VBP1: variants seen among roughly 807,000 people sequenced by gnomAD.
VBP1 encodes the protein prefoldin subunit 3.
VBP1 carries 4 observed loss-of-function variants against 15.5 expected under a neutral mutation model. The ratio of observed to expected loss-of-function variants is 0.26; its 90% CI spans 0.13 to 0.59. VBP1 has a LOEUF of 0.59. VBP1 is among the 20% of genes least tolerant of loss of function. The pLI, the probability that VBP1 is intolerant of heterozygous loss-of-function variation, is 0.90. For synonymous variants in VBP1, 61 were observed against 52.1 expected, an observed-to-expected ratio of 1.17 and a Z score of -0.74; for missense variants, 108 against 139.6, an observed-to-expected ratio of 0.77 and a Z score of 1.14.
chrX:155,210,734 T>C (rs1476173200), intron 2 of VBP1, among the ~76,000 whole-genome samples: 2 of 112,064 alleles, frequency 1.8e-5, no homozygotes, highest in Non-Finnish European at 3.8e-5. Context: ...CTGAAATTGA[T>C]TTCCTGAGCA....
chrX:155,236,385 A>T lies in VBP1; in HGVS notation c.523+18A>T. ...AGAAGTCAGTATCCTTTCTTAAAAC[A>T]AAAAGCAAGGGAAAAAAGGAGAAAG... On this transcript the variant is annotated intron_variant, in intron 5 of 5. Transcript: ENST00000286428. 8.4e-7 allele frequency: 1 copy of T among 1,190,915 alleles called. No homozygotes were observed. Among genetic ancestry groups the T allele is most frequent in the Non-Finnish European group, 1.1e-6 (1 of 886,868 alleles).
intron 1 of VBP1, among the ~76,000 whole-genome samples, chrX:155,218,286 G>T (rs140348702): frequency 0.027 from 2,976 of 111,558 alleles, 100 homozygotes; most frequent in Admixed American, 0.13. Flanking sequence ...ATAGACCAGG[G>T]TCTGAATCCT....
rs377248591 is a variant in VBP1, at chrX:155,219,977, T to TA, written c.94-190dup. Among the ~76,000 whole-genome samples, 94 of 91,059 alleles carry TA rather than the reference T, an allele frequency of 1.0e-3. 1 individual carries two copies. The highest frequency in any genetic ancestry group is 5.5e-3 in the Middle Eastern group (1 of 181). 79.1% of individuals were successfully genotyped at this position (91,059 alleles called of 115,157 possible). A position where few individuals can be genotyped will look rare whatever the true frequency, so the allele number is the denominator to read the frequency against. ...GGTATAATGTAAATATTCCAAAATC[T>TA]AAAAAAAAAAAAAAAATCTAAAATC... On this transcript the variant is annotated intron_variant, in intron 1 of 5. Coordinates refer to ENST00000286428, the MANE Select transcript of VBP1 (RefSeq NM_003372.7).
In VBP1 at chrX:155,227,392, C is replaced by G. The variant is rs188489195; in HGVS notation, c.285+91C>G. 0.012 allele frequency: 8,005 copies of G among 649,205 alleles called. 71 individuals carry two copies. Among genetic ancestry groups the G allele is most frequent in the Non-Finnish European group, 0.013 (5,530 of 434,418 alleles). 53.5% of individuals were successfully genotyped at this position (649,205 alleles called of 1,213,427 possible). On this transcript the variant is annotated intron_variant, in intron 3 of 5. Transcript: ENST00000286428. ...GACTCTTTGGTCACTGATATTTGAT[C>G]TGTGCTGTGGAATCCAGTCTGCCTT...
intron 4 of VBP1, among the ~76,000 whole-genome samples, chrX:155,232,515 C>G (rs1470806274): frequency 8.9e-6 from 1 of 111,784 alleles, no homozygotes; most frequent in Non-Finnish European, 1.9e-5. Context: ...TAAGCAACTC[C>G]TCAGGATAAT....
At position 155,205,754 on chromosome X, in the gene VBP1, C is replaced by T. The variant is rs1308752943; in HGVS notation, c.-30-3120C>T. Among the ~76,000 whole-genome samples the T allele has an allele frequency of 6.3e-5, 7 of 111,689 alleles. No homozygotes were observed. In the East Asian group the frequency reaches 2.0e-3, roughly 31 times the overall value. On this transcript the variant is annotated intron_variant, in intron 1 of 6. Transcript: ENST00000535916. ...CTCTCTGCTTCCATCTCCTGACACTCCTGCCTTGCTTAGTTCTTTCTAGGC... is the reference window on the plus strand; with the variant it reads ...CTCTCTGCTTCCATCTCCTGACACTTCTGCCTTGCTTAGTTCTTTCTAGGC...
At chrX:155,234,182 G>A (rs2074760805) in intron 4 of VBP1, among the ~76,000 whole-genome samples, 1 of 92,239 alleles carries the variant, frequency 1.1e-5, no homozygotes, top group Admixed American at 1.4e-4. Context: ...GCGCAGTGAC[G>A]TGATCTTGGG....
chrX:155,235,388 G>A (rs782565889), intron 4 of VBP1, among the ~76,000 whole-genome samples: 2 of 111,295 alleles, frequency 1.8e-5, no homozygotes, highest in East Asian at 5.6e-4. Flanking sequence ...CTTTCATGTT[G>A]TCTTGTTTAA....
At chrX:155,202,028 A>C (rs2074606297) in intron 1 of VBP1, among the ~76,000 whole-genome samples, 1 of 111,714 alleles carries the variant, frequency 9.0e-6, no homozygotes, top group Non-Finnish European at 1.9e-5. Flanking sequence ...AAAGAGAATA[A>C]AATACCTAGG....
chrX:155,212,884 T>G (rs183626032), upstream of VBP1: 1 of 111,782 alleles, frequency 8.9e-6, no homozygotes, highest in African/African-American at 3.3e-5. Flanking sequence ...GGAAATCACA[T>G]TGCCACATTT....
chrX:155,204,779 G>A (rs1009452560), intron 1 of VBP1, among the ~76,000 whole-genome samples: 1 of 112,186 alleles, frequency 8.9e-6, no homozygotes, highest in Non-Finnish European at 1.9e-5. Flanking sequence ...ATATGGTTTA[G>A]TTTAGGTTAC....
At chrX:155,220,057 A>T in intron 1 of VBP1, 126 bp from the exon 2 acceptor site, 4 of 608,791 alleles carry the variant, frequency 6.6e-6, no homozygotes, top group Non-Finnish European at 9.5e-6. Flanking sequence ...CTGTACTTTT[A>T]GTTAAAAACA....
At chrX:155,219,807 C>T (rs1288258395) in intron 1 of VBP1, among the ~76,000 whole-genome samples, 2 of 110,666 alleles carry the variant, frequency 1.8e-5, no homozygotes, top group Admixed American at 1.9e-4. Context: ...CTTTTTATAA[C>T]TACAGGTTGA....
intron 4 of VBP1, among the ~76,000 whole-genome samples, chrX:155,232,891 C>A (rs1167638114): frequency 8.9e-6 from 1 of 112,610 alleles, no homozygotes. Context: ...ATGTTCATAT[C>A]AACTCTGTAG....
chrX:155,202,609 A>G (rs2074609387), intron 1 of VBP1, among the ~76,000 whole-genome samples: 1 of 107,565 alleles, frequency 9.3e-6, no homozygotes, highest in Non-Finnish European at 1.9e-5. Context: ...AAATTAATTC[A>G]AGATGGAGTA....
intron 2 of VBP1, among the ~76,000 whole-genome samples, chrX:155,224,384 G>A (rs782726992): frequency 3.5e-5 from 4 of 113,001 alleles, no homozygotes; most frequent in African/African-American, 1.3e-4. Context: ...CAGATCACTC[G>A]CGGTCAGGAG....
At chrX:155,214,900 C>A (rs1168626623), upstream of VBP1, among the ~76,000 whole-genome samples, 1 of 109,248 alleles carries the variant, frequency 9.2e-6, no homozygotes, top group Non-Finnish European at 1.9e-5. Flanking sequence ...TAAGAGAACA[C>A]TAGAAAGGAA....
chrX:155,205,491 G>A (rs1272932252), intron 1 of VBP1, among the ~76,000 whole-genome samples: 1 of 111,168 alleles, frequency 9.0e-6, no homozygotes, highest in Non-Finnish European at 1.9e-5. Context: ...TACAATTCAT[G>A]AGCAAATGCA....
At chrX:155,197,328 A>G (rs2074582033) in intron 1 of VBP1, among the ~76,000 whole-genome samples, 1 of 111,594 alleles carries the variant, frequency 9.0e-6, no homozygotes. Context: ...TCTGCCTTCT[A>G]AAACAACACA....
Sources: gnomAD v4.1 joint callset for allele counts (sites outside exome capture counted in the v4.1 genomes callset) on GRCh38, gnomAD v4.1.1 for gene constraint, MANE v1.5 for transcripts, NCBI Gene and HGNC (gene_info 2026-07-23, HGNC 2026-07-21) for gene names.